SLC24A2: variants seen among roughly 807,000 people sequenced by gnomAD.
SLC24A2 encodes the protein solute carrier family 24 member 2, also known as sodium/potassium/calcium exchanger 2.
A neutral mutation model predicts 62.0 loss-of-function variants in SLC24A2; 36 were observed. The ratio of observed to expected loss-of-function variants is 0.58; its 90% CI spans 0.44 to 0.77. SLC24A2 has a LOEUF of 0.77. Ranked by LOEUF, SLC24A2 falls within the 30% of genes least tolerant of loss-of-function variation. The pLI is 0.00. For synonymous variants in SLC24A2, 358 were observed against 294.0 expected (o/e 1.22, Z -2.23); for missense variants, 846 against 817.9 (o/e 1.03, Z -0.42).
chr9:19,698,131 C>T (rs1348793677), intron 2 of SLC24A2, among the ~76,000 whole-genome samples: 2 of 152,090 alleles, frequency 1.3e-5, no homozygotes, highest in Non-Finnish European at 2.9e-5. Flanking sequence ...TTGAGCATCC[C>T]TAATCTGAAA....
intron 8 of SLC24A2, among the ~76,000 whole-genome samples, chr9:19,532,395 T>A (rs1014570128): frequency 6.6e-6 from 1 of 152,140 alleles, no homozygotes; most frequent in African/African-American, 2.4e-5. Context: ...CTCACCTGAC[T>A]CCCATATACT....
the SLC24A2 span, among the ~76,000 whole-genome samples, chr9:20,024,312 G>T: frequency 1.3e-5 from 2 of 152,070 alleles, no homozygotes; most frequent in African/African-American, 4.8e-5. Flanking sequence ...CCTCACAAAG[G>T]GCTTAGAAAA....
intron 2 of SLC24A2, among the ~76,000 whole-genome samples, chr9:19,780,800 G>A (rs1822993095): frequency 6.7e-6 from 1 of 150,182 alleles, no homozygotes; most frequent in African/African-American, 2.4e-5. Context: ...GTGAACCCGG[G>A]AGGCGGAGCC....
At chr9:20,196,516 G>A in the SLC24A2 span, among the ~76,000 whole-genome samples, 6 of 152,064 alleles carry the variant, frequency 3.9e-5, no homozygotes, top group Non-Finnish European at 8.8e-5. Context: ...CGGGATTTAG[G>A]ACTTATCTAG....
chr9:20,163,755 A>G, the SLC24A2 span, among the ~76,000 whole-genome samples: 1 of 152,154 alleles, frequency 6.6e-6, no homozygotes, highest in Non-Finnish European at 1.5e-5. Flanking sequence ...CAGTAACCAA[A>G]ACAGCACGGT....
the SLC24A2 span, among the ~76,000 whole-genome samples, chr9:19,845,183 A>G: frequency 3.1e-4 from 47 of 152,128 alleles, no homozygotes; most frequent in African/African-American, 9.4e-4. Flanking sequence ...GTCATCTATG[A>G]TTTGTTTCAG....
At chr9:19,941,401 T>C in the SLC24A2 span, among the ~76,000 whole-genome samples, 1 of 152,190 alleles carries the variant, frequency 6.6e-6, no homozygotes, top group Non-Finnish European at 1.5e-5. Context: ...TTTTGTCTGG[T>C]CTTAACTTTT....
At chr9:20,119,134 G>A in the SLC24A2 span, among the ~76,000 whole-genome samples, 3 of 152,090 alleles carry the variant, frequency 2.0e-5, no homozygotes, top group Non-Finnish European at 4.4e-5. Flanking sequence ...TTGTACAACT[G>A]TAAGATAATT....
chr9:19,611,342 G>A (rs1356842560), intron 4 of SLC24A2, among the ~76,000 whole-genome samples: 1 of 150,714 alleles, frequency 6.6e-6, no homozygotes, highest in Non-Finnish European at 1.5e-5. Flanking sequence ...CAAAGCAGGG[G>A]AGGAAGGGAG....
the SLC24A2 span, among the ~76,000 whole-genome samples, chr9:19,839,613 A>C: frequency 7.9e-5 from 12 of 152,200 alleles, no homozygotes; most frequent in Non-Finnish European, 1.6e-4. Context: ...AAAGGTCAAA[A>C]TCTGAATTCG....
At chr9:20,220,847 G>A in the SLC24A2 span, among the ~76,000 whole-genome samples, 7 of 152,002 alleles carry the variant, frequency 4.6e-5, no homozygotes, top group African/African-American at 7.3e-5. Context: ...CTACCTAAAC[G>A]AAAAATATCA....
At chr9:20,039,069 G>A in the SLC24A2 span, among the ~76,000 whole-genome samples, 5 of 152,190 alleles carry the variant, frequency 3.3e-5, no homozygotes, top group African/African-American at 1.2e-4. Flanking sequence ...TTAAAAAGGT[G>A]TGGGTGAAGG....
chr9:19,550,743 A>G (rs1472543770), intron 7 of SLC24A2, among the ~76,000 whole-genome samples: 1 of 150,892 alleles, frequency 6.6e-6, no homozygotes, highest in Non-Finnish European at 1.5e-5. Context: ...TCATCAGGCA[A>G]ATGAAAGTAA....
the SLC24A2 span, among the ~76,000 whole-genome samples, chr9:19,903,918 T>C: frequency 1.3e-5 from 2 of 152,138 alleles, no homozygotes; most frequent in Non-Finnish European, 2.9e-5. Flanking sequence ...GCCAGAACTA[T>C]ATAGAATCAA....
the SLC24A2 span, among the ~76,000 whole-genome samples, chr9:19,892,369 G>A: frequency 2.0e-5 from 3 of 151,988 alleles, no homozygotes; most frequent in African/African-American, 7.3e-5. Flanking sequence ...TCAGTGTTTT[G>A]TGTCTGTTTT....
the SLC24A2 span, among the ~76,000 whole-genome samples, chr9:20,224,481 C>T: frequency 6.6e-6 from 1 of 152,020 alleles, no homozygotes; most frequent in African/African-American, 2.4e-5. Flanking sequence ...AACCAGAGCT[C>T]TCATACAATA....
At chr9:19,581,952 T>C (rs984541317) in intron 5 of SLC24A2, among the ~76,000 whole-genome samples, 1 of 152,230 alleles carries the variant, frequency 6.6e-6, no homozygotes, top group African/African-American at 2.4e-5. Flanking sequence ...TATTTTTACA[T>C]AGCTACAGAT....
the SLC24A2 span, among the ~76,000 whole-genome samples, chr9:19,829,784 T>C: frequency 4.5e-5 from 1 of 22,254 alleles, no homozygotes; most frequent in African/African-American, 8.4e-5. Flanking sequence ...TGTGTGTGTG[T>C]GTGTGTGTGT....
At chr9:20,180,615 C>T in the SLC24A2 span, among the ~76,000 whole-genome samples, 30,115 of 151,998 alleles carry the variant, frequency 0.2, 3,123 homozygotes, top group East Asian at 0.29. Flanking sequence ...TGAATGATCA[C>T]ATTTAGAATT....
Sources: gnomAD v4.1 joint callset for allele counts (sites outside exome capture counted in the v4.1 genomes callset) on GRCh38, gnomAD v4.1.1 for gene constraint, MANE v1.5 for transcripts, NCBI Gene and HGNC (gene_info 2026-07-23, HGNC 2026-07-21) for gene names.